Variants in WDR11 observed in about 807,000 individuals in gnomAD.
WDR11 encodes the protein WD repeat-containing protein 11.
WDR11 carries 83 observed loss-of-function variants against 151.2 expected under a neutral mutation model. The observed-to-expected ratio is 0.55, with a 90% confidence interval of 0.46 to 0.66. The LOEUF (loss-of-function observed/expected upper bound fraction) is 0.66, where lower values mean the gene tolerates loss of function less well. WDR11 is among the 30% of genes least tolerant of loss of function. The pLI is 0.00. For missense variants in WDR11, 1,301 were observed against 1,480.9 expected (o/e 0.88, Z 1.99); for synonymous variants, 484 against 533.1 (o/e 0.91, Z 1.27).
At chr10:120,904,539 A>AT in intron 24 of WDR11, 107 bp from the exon 25 acceptor site, 1 of 1,377,942 alleles carries the variant, frequency 7.3e-7, no homozygotes, top group Non-Finnish European at 1.0e-6. Flanking sequence ...ATTCAATTGC[A>AT]TTTTTTGAAA....
In WDR11 at chr10:120,865,666, C is replaced by G. The variant is rs200501512; in HGVS notation, c.916C>G (p.Leu306Val). 38 of 1,610,628 alleles carry G rather than the reference C, an allele frequency of 2.4e-5. No individual in the cohort carries two copies. The African/African-American group carries it at 3.6e-4, about 15-fold the overall frequency. ...PCFQRDGLFC[L>V]HENGCITLRV... The stretch of plus-strand genomic sequence containing the variant: ...CTTTCAGCGTGATGGTTTATTTTGT[C>G]TACATGAAAATGGTTGTATAACTTT... Residue 306 changes from leucine (L) to valine (V), a missense_variant, in exon 7 of 29, where the codon CTA (leucine) becomes GTA (valine). Transcript: ENST00000263461.
At position 120,889,075 on chromosome 10, in the gene WDR11, T is replaced by C. The variant is rs1347664094; in HGVS notation, c.2122-3T>C. 18 of 1,601,628 alleles carry C rather than the reference T, an allele frequency of 1.1e-5. No individual in the cohort carries two copies. In the East Asian group the frequency reaches 3.8e-4, roughly 34 times the overall value. ...ATATTTGTTTGTTGCTGTTGTTTTC[T>C]AGGGAAGTATGGGTAGTATTACCTG... On this transcript the variant is annotated splice_region_variant and splice_polypyrimidine_tract_variant and intron_variant, in intron 16 of 28. Transcript: ENST00000263461.
At chr10:120,865,305 C>A in intron 6 of WDR11, 93 bp downstream of exon 6, 1 of 1,254,878 alleles carries the variant, frequency 8.0e-7, no homozygotes, top group Non-Finnish European at 1.1e-6. Flanking sequence ...GTCTTCAGTT[C>A]TCCACTTTCT....
chr10:120,871,414 A>G (rs1423337417), intron 10 of WDR11, 68 bp downstream of exon 10: 31 of 1,483,604 alleles, frequency 2.1e-5, no homozygotes, highest in Non-Finnish European at 2.7e-5. Flanking sequence ...TCTAGTTTCT[A>G]GAAGATCCTT....
intron 28 of WDR11, among the ~76,000 whole-genome samples, 173 bp downstream of exon 28, chr10:120,907,028 A>G (rs1848079978): frequency 6.6e-6 from 1 of 152,172 alleles, no homozygotes; most frequent in African/African-American, 2.4e-5. Flanking sequence ...GAGGACAAAG[A>G]ATCAGATAAG....
At chr10:120,875,398 G>A (rs1252973659) in intron 11 of WDR11, among the ~76,000 whole-genome samples, 1 of 152,224 alleles carries the variant, frequency 6.6e-6, no homozygotes, top group African/African-American at 2.4e-5. Flanking sequence ...GTTCCAAAAT[G>A]CCTACCTGTG....
At chr10:120,898,238 A>T (rs547648550) in intron 19 of WDR11, among the ~76,000 whole-genome samples, 2 of 152,340 alleles carry the variant, frequency 1.3e-5, no homozygotes, top group African/African-American at 4.8e-5. Context: ...TCAGTATTTT[A>T]CATTTATTGT....
Position 120,903,084 on chromosome 10 carries a change from T to A in WDR11, c.2783T>A (p.Phe928Tyr), listed in dbSNP as rs747328837. The change falls in exon 23 of 29, where the codon TTC (phenylalanine) becomes TAC (tyrosine). Residue 928 changes from phenylalanine to tyrosine, a missense_variant. Transcript: ENST00000263461. ...RLYGDESELHFWTVAAHYLHS... is the reference protein window; with the variant it reads ...RLYGDESELHYWTVAAHYLHS... ...TATGGTGATGAATCGGAGCTGCACT[T>A]CTGGACTGTCGCTGCCCACTACCTG... The A allele has an allele frequency of 6.2e-7, 1 of 1,614,134 alleles. No individual in the cohort carries two copies. The highest frequency in any genetic ancestry group is 1.7e-5 in the Admixed American group (1 of 60,012).
Position 120,860,165 on chromosome 10 carries a change from C to T in WDR11, c.409C>T (p.Pro137Ser). 2 of 1,614,152 alleles carry T rather than the reference C, an allele frequency of 1.2e-6. No homozygotes were observed. The highest frequency in any genetic ancestry group is 2.2e-5 in the South Asian group (2 of 91,086). Residue 137 changes from proline (P) to serine (S), a missense_variant, in exon 4 of 29, where the codon CCG becomes TCG. By Grantham distance (74) the Pro-to-Ser change is moderately conservative (BLOSUM62 -1). This residue lies in a region of WDR11 where 692 missense variants were observed against 762.5 expected (regional missense o/e 0.91). Transcript: ENST00000263461. ...ASRDLLLAIH[P>S]PNYIVLWNAD... is the part of the protein sequence containing the mutation. Reference sequence around the variant, plus strand: ...CCGCGATTTACTGCTTGCTATCCACCCGCCAAATTACATTGTGCTCTGGAA... The same window carrying T: ...CCGCGATTTACTGCTTGCTATCCACTCGCCAAATTACATTGTGCTCTGGAA...
intron 11 of WDR11, among the ~76,000 whole-genome samples, chr10:120,875,976 T>TC (rs1391218478): frequency 3.2e-4 from 44 of 136,582 alleles, no homozygotes; most frequent in South Asian, 4.7e-4. Context: ...AACCTTTTTT[T>TC]TCTTTTTTTT....
rs770652953 is a variant in WDR11 at position 120,851,432 on chromosome 10, C to T, written c.12C>T (p.Tyr4=). ...GGCTGGCCGCCGGGATGTTGCCCTA[C>T]ACAGTGAACTTCAAGGTGTCGGCGC... The part of the protein sequence containing the change: MLP[Y]TVNFKVSART... The change falls in exon 1 of 29, where the codon TAC becomes TAT. Residue 4 remains tyrosine, a synonymous_variant. Coordinates refer to ENST00000263461, the MANE Select transcript of WDR11 (RefSeq NM_018117.12). The T allele has an allele frequency of 3.1e-6, 5 of 1,611,654 alleles. No individual in the cohort carries two copies. The South Asian group carries it at 5.5e-5, about 18-fold the overall frequency.
intron 8 of WDR11, 52 bp from the exon 9 acceptor site, chr10:120,867,014 C>A: frequency 7.1e-7 from 1 of 1,412,030 alleles, no homozygotes; most frequent in Non-Finnish European, 1.0e-6. Context: ...ATTCCTAATA[C>A]GTAATGCAGA....
At chr10:120,893,928 T>G (rs1847513394) in intron 19 of WDR11, among the ~76,000 whole-genome samples, 1 of 152,118 alleles carries the variant, frequency 6.6e-6, no homozygotes, top group Non-Finnish European at 1.5e-5. Flanking sequence ...CTTCGTCAGA[T>G]GAGTAGGTTG....
At chr10:120,905,758 C>T (rs375220239) in intron 26 of WDR11, 118 bp from the exon 27 acceptor site, 1 of 1,567,040 alleles carries the variant, frequency 6.4e-7, no homozygotes, top group East Asian at 2.3e-5. Context: ...GGGCAGTGTG[C>T]TAGTCAAGCA....
At position 120,869,105 on chromosome 10, in the gene WDR11, G is replaced by GTTTTTTTTTTTTTTTTTT. The variant is rs1491035622; in HGVS notation, c.1294+1936_1294+1937insTTTTTTTTTTTTTTTTTT. ...AGGTATCTAAGTGATATAAATTACA[G>GTTTTTTTTTTTTTTTTTT]GTTTTTTTTTTTTTTTTTTTTTTGA... On this transcript the variant is annotated intron_variant, in intron 9 of 28. Transcript: ENST00000263461. 2.8e-5 allele frequency among the ~76,000 whole-genome samples: 2 copies of GTTTTTTTTTTTTTTTTTT among 71,634 alleles called. 1 individual carries two copies. 47.0% of individuals were successfully genotyped at this position (71,634 alleles called of 152,430 possible).
At position 120,883,888 on chromosome 10, in the gene WDR11, G is replaced by A. The variant is rs574841710; in HGVS notation, c.1848G>A (p.Leu616=). 55 of 1,607,964 alleles carry A rather than the reference G, an allele frequency of 3.4e-5. No individual in the cohort carries two copies. The Middle Eastern group carries it at 6.6e-4, about 19-fold the overall frequency. Residue 616 remains leucine (L), a splice_region_variant and synonymous_variant, in exon 14 of 29, where the codon TTG becomes TTA. Transcript: ENST00000263461. The part of the protein sequence containing the change: ...MSKNFPTITA[L]EWSPSHNLKS... ...AAAACTTCCCTACAATAACTGCTTT[G>A]GTAAGTTACAATTTAAGAATTTAAT...
Position 120,865,763 on chromosome 10 carries a change from A to G in WDR11, c.994+19A>G, listed in dbSNP as rs777963282. ...GAACCAGGTGAGTTTCTGTCTCACA[A>G]TAATGTTATATTTTTCTTCAAAATT... On this transcript the variant is annotated intron_variant, in intron 7 of 28. Coordinates refer to ENST00000263461, the MANE Select transcript of WDR11 (RefSeq NM_018117.12). 1 of 1,493,536 alleles carries G rather than the reference A, an allele frequency of 6.7e-7. No individual in the cohort carries two copies. The highest frequency in any genetic ancestry group is 9.3e-7 in the Non-Finnish European group (1 of 1,073,980). 92.5% of individuals were successfully genotyped at this position (1,493,536 alleles called of 1,614,324 possible).
At chr10:120,878,504 A>T (rs777818151) in intron 12 of WDR11, 45 bp downstream of exon 12, 23 of 1,473,356 alleles carry the variant, frequency 1.6e-5, no homozygotes, top group Non-Finnish European at 1.5e-5. Context: ...TTGAATAAAC[A>T]TGTTGCCATT....
At chr10:120,908,033 TTTG>T in intron 28 of WDR11, 5 of 164,900 alleles carry the variant, frequency 3.0e-5, no homozygotes, top group South Asian at 3.1e-4. Context: ...GTGTATGCAT[TTTG>T]AGGATCAAAG....
Sources: allele counts gnomAD v4.1 joint callset (sites outside exome capture counted in the v4.1 genomes callset), GRCh38; gene constraint gnomAD v4.1.1; regional missense constraint gnomAD v4.1.1; transcripts MANE v1.5; gene names NCBI Gene and HGNC (gene_info 2026-07-23, HGNC 2026-07-21).